Variants in CEP89 observed in about 807,000 individuals in gnomAD.
The protein encoded by CEP89 is centrosomal protein of 89 kDa.
Under a neutral mutation model 97.6 loss-of-function variants are expected in CEP89, and 95 were observed. That is an observed-to-expected ratio of 0.97 (90% CI 0.82 to 1.15). The LOEUF is 1.15. Among genes scored for constraint, CEP89 ranks in the 50% most tolerant of loss-of-function variants. The pLI, the probability that CEP89 is intolerant of heterozygous loss-of-function variation, is 0.00. For synonymous variants in CEP89, 354 were observed against 349.1 expected (o/e 1.01, Z -0.16); for missense variants, 869 against 947.7 (o/e 0.92, Z 1.09).
In CEP89 at chr19:32,960,633, C is replaced by A. The variant is rs190336087; in HGVS notation, c.147-575G>T. Among the ~76,000 whole-genome samples the A allele has an allele frequency of 3.9e-3, 592 of 152,016 alleles. 5 individuals are homozygous for A. Among genetic ancestry groups the A allele is most frequent in the African/African-American group, 0.014 (562 of 41,454 alleles). On this transcript the variant is annotated intron_variant, in intron 2 of 18. Transcript: ENST00000305768. Reference sequence around the variant, plus strand: ...GACCAGCCTGGCTAACACGGTGAAACCTCATCTCTACTAAAAATACAAAAA... The same window carrying A: ...GACCAGCCTGGCTAACACGGTGAAAACTCATCTCTACTAAAAATACAAAAA...
chr19:32,901,639 T>C (rs1969774010), intron 14 of CEP89, among the ~76,000 whole-genome samples: 1 of 151,802 alleles, frequency 6.6e-6, no homozygotes. Context: ...TACGTGTGTG[T>C]CTGTGTGAGA....
intron 8 of CEP89, among the ~76,000 whole-genome samples, chr19:32,932,775 T>C (rs1970501601): frequency 7.1e-6 from 1 of 139,982 alleles, no homozygotes; most frequent in Non-Finnish European, 1.6e-5. Flanking sequence ...CTCACTGCTA[T>C]AAAAAAAATT....
rs147625784 is a variant in CEP89, at chr19:32,922,719, G to A, written c.1268+720C>T. Among the ~76,000 whole-genome samples the A allele has an allele frequency of 9.5e-3, 1,434 of 151,544 alleles. 26 individuals are homozygous for A. The highest frequency in any genetic ancestry group is 0.033 in the African/African-American group (1,373 of 41,166). On this transcript the variant is annotated intron_variant, in intron 12 of 18. Transcript: ENST00000305768. ...AAAAATTAGCCAGGTGTGGTGGCAC[G>A]TGCCTGTAATCCCAGCTACTCAGGA... is the stretch of plus-strand genomic sequence containing the variant.
intron 16 of CEP89, among the ~76,000 whole-genome samples, chr19:32,899,426 G>C (rs1032193133): frequency 6.6e-6 from 1 of 152,052 alleles, no homozygotes; most frequent in African/African-American, 2.4e-5. Flanking sequence ...ACAGCACCAT[G>C]CCAGGGTAAT....
chr19:32,914,970 G>A (rs950832815), intron 14 of CEP89, among the ~76,000 whole-genome samples: 1 of 151,850 alleles, frequency 6.6e-6, no homozygotes, highest in African/African-American at 2.4e-5. Flanking sequence ...TACAGGTGCC[G>A]AGACTGCACC....
Position 32,948,380 on chromosome 19 carries a change from AAAAGAC to A in CEP89, c.493-18_493-13del. The A allele has an allele frequency of 6.4e-7, 1 of 1,571,038 alleles. No individual in the cohort carries two copies. ...TGTAACAATGGCACCTTTTTGTTAT[AAAAGAC>A]AAAGGAGCAAAAAAGTGAGAAAGGT... is the stretch of plus-strand genomic sequence containing the variant. On this transcript the variant is annotated splice_polypyrimidine_tract_variant and intron_variant, in intron 4 of 18. Transcript: ENST00000305768.
intron 14 of CEP89, among the ~76,000 whole-genome samples, chr19:32,912,259 T>C (rs1277382295): frequency 6.6e-6 from 1 of 152,084 alleles, no homozygotes; most frequent in East Asian, 1.9e-4. Context: ...ATGGTTAATT[T>C]TATGTGTCAC....
chr19:32,940,042 A>G, intron 5 of CEP89, among the ~76,000 whole-genome samples, 157 bp from the exon 6 acceptor site: 1 of 152,190 alleles, frequency 6.6e-6, no homozygotes, highest in East Asian at 1.9e-4. Flanking sequence ...AGTGGGTCCC[A>G]GAGCCAGGCT....
chr19:32,930,341 T>C (rs1970446031), intron 9 of CEP89, among the ~76,000 whole-genome samples: 1 of 152,062 alleles, frequency 6.6e-6, no homozygotes, highest in Non-Finnish European at 1.5e-5. Flanking sequence ...ATTTCTTGAT[T>C]TAACAAAAGT....
chr19:32,907,455 ATT>A (rs11323866), intron 14 of CEP89, among the ~76,000 whole-genome samples: 125 of 142,024 alleles, frequency 8.8e-4, no homozygotes, highest in Admixed American at 1.4e-3. Context: ...TGGTTTCTCT[ATT>A]TTTTTTTTTT....
chr19:32,931,821 A>C, intron 8 of CEP89, among the ~76,000 whole-genome samples: 1 of 152,208 alleles, frequency 6.6e-6, no homozygotes, highest in East Asian at 1.9e-4. Flanking sequence ...CAATAAAGTA[A>C]AATAAAAATT....
chr19:32,906,171 G>A lies in CEP89; in HGVS notation c.1566-4759C>T, dbSNP rs549752357. On this transcript the variant is annotated intron_variant, in intron 14 of 18. Coordinates refer to ENST00000305768, the MANE Select transcript of CEP89 (RefSeq NM_032816.5). Reference sequence around the variant, plus strand: ...TGTGACATTCTTTGTCTTTTAACTGGAGCATTTTATCCATTTAGCGTATCT... The same window carrying A: ...TGTGACATTCTTTGTCTTTTAACTGAAGCATTTTATCCATTTAGCGTATCT... Among the ~76,000 whole-genome samples the A allele has an allele frequency of 3.3e-5, 5 of 152,218 alleles. No homozygotes were observed. In the South Asian group the frequency reaches 1.0e-3, roughly 32 times the overall value.
At chr19:32,918,872 CTTTTTCTTTTTCTTTTTT>C (rs1970186679) in intron 12 of CEP89, among the ~76,000 whole-genome samples, 1 of 116,818 alleles carries the variant, frequency 8.6e-6, no homozygotes, top group Non-Finnish European at 1.6e-5. Context: ...TTTCTTTTTT[CTTTTTCTTTTTCTTTTTT>C]TTTTTTTTTT....
chr19:32,939,861 A>T lies in CEP89; in HGVS notation c.620T>A (p.Leu207Ter), dbSNP rs749744416. The change falls in exon 6 of 19, where the codon TTA becomes TAA. Residue 207 changes from leucine to a stop codon, truncating the protein, a stop_gained. Transcript: ENST00000305768. LOFTEE classifies it high-confidence loss of function. Reference sequence around the variant, plus strand: ...TTTTAAAAAAAATGATCTTACCTTTAAATTCAGAACAGGGTGTTTACCATC... The same window carrying T: ...TTTTAAAAAAAATGATCTTACCTTTTAATTCAGAACAGGGTGTTTACCATC... ...QKDGKHPVLN[L>*]KDEKPPLCEK... 3 of 1,246,712 alleles carry T rather than the reference A, an allele frequency of 2.4e-6. No individual in the cohort carries two copies. The highest frequency in any genetic ancestry group is 3.4e-6 in the Non-Finnish European group (3 of 871,214). 77.2% of individuals were successfully genotyped at this position (1,246,712 alleles called of 1,614,324 possible).
chr19:32,961,078 A>G (rs1400954758), intron 2 of CEP89, among the ~76,000 whole-genome samples: 1 of 152,196 alleles, frequency 6.6e-6, no homozygotes, highest in African/African-American at 2.4e-5. Flanking sequence ...CAGTGGAGGA[A>G]GAACCATTCA....
In CEP89 at chr19:32,908,290, C is replaced by G. The variant is rs117421731; in HGVS notation, c.1566-6878G>C. ...TAAAATAACAAAGATGCCACCAAAT[C>G]TTTTTTCAGTGGAAATTGGAGAAAG... On this transcript the variant is annotated intron_variant, in intron 14 of 18. Coordinates refer to ENST00000305768, the MANE Select transcript of CEP89 (RefSeq NM_032816.5). Among the ~76,000 whole-genome samples, 441 of 152,268 alleles carry G rather than the reference C, an allele frequency of 2.9e-3. 1 individual carries two copies. The highest frequency in any genetic ancestry group is 6.8e-3 in the Middle Eastern group (2 of 294).
At chr19:32,890,880 C>T (rs1400030287) in intron 16 of CEP89, among the ~76,000 whole-genome samples, 1 of 152,124 alleles carries the variant, frequency 6.6e-6, no homozygotes, top group Non-Finnish European at 1.5e-5. Flanking sequence ...GAGAGTCCAG[C>T]CCCCACCAGA....
At chr19:32,948,240 T>A (rs1970836618) in intron 5 of CEP89, 26 bp downstream of exon 5, 1 of 1,354,974 alleles carries the variant, frequency 7.4e-7, no homozygotes, top group Non-Finnish European at 1.0e-6. Context: ...TTATATTTTA[T>A]AAAAATTGTG....
intron 18 of CEP89, among the ~76,000 whole-genome samples, chr19:32,880,960 G>A (rs2145864726): frequency 6.6e-6 from 1 of 152,282 alleles, no homozygotes; most frequent in Middle Eastern, 3.4e-3. Flanking sequence ...TGGAGGATGT[G>A]AAGGACCCTC....
Sources: allele counts gnomAD v4.1 joint callset (sites outside exome capture counted in the v4.1 genomes callset), GRCh38; gene constraint gnomAD v4.1.1; transcripts MANE v1.5; gene names NCBI Gene and HGNC (gene_info 2026-07-23, HGNC 2026-07-21).